Variants in AKAP19 observed in about 807,000 individuals in gnomAD.
The protein encoded by AKAP19 is A-kinase anchoring protein 19.
the AKAP19 span, among the ~76,000 whole-genome samples, chr2:190,160,807 A>G: frequency 0.38 from 57,254 of 152,008 alleles, 12,615 homozygotes; most frequent in East Asian, 0.72. Context: ...AAAGATTCCA[A>G]GACAGATAAA....
the AKAP19 span, among the ~76,000 whole-genome samples, chr2:189,936,189 G>T: frequency 6.6e-6 from 1 of 150,904 alleles, no homozygotes. Context: ...TATTTTTATG[G>T]GTTTGTTTTA....
At chr2:190,190,516 G>C in the AKAP19 span, among the ~76,000 whole-genome samples, 1 of 152,088 alleles carries the variant, frequency 6.6e-6, no homozygotes, top group Non-Finnish European at 1.5e-5. Flanking sequence ...TATGGATATT[G>C]GTATACAGAT....
chr2:189,882,208 C>A, the AKAP19 span, among the ~76,000 whole-genome samples: 1 of 152,166 alleles, frequency 6.6e-6, no homozygotes, highest in East Asian at 1.9e-4. Flanking sequence ...TATTCTAGAG[C>A]TTTCATTTAA....
chr2:190,057,634 G>T, the AKAP19 span: 1 of 1,612,948 alleles, frequency 6.2e-7, no homozygotes, highest in South Asian at 1.1e-5. Context: ...CTCTAAAAAC[G>T]GATTCTGTTT....
chr2:190,127,896 T>C, the AKAP19 span, among the ~76,000 whole-genome samples: 4 of 152,126 alleles, frequency 2.6e-5, no homozygotes, highest in Non-Finnish European at 5.9e-5. Flanking sequence ...TTACAGTCTC[T>C]ATATATAATA....
the AKAP19 span, among the ~76,000 whole-genome samples, chr2:190,132,799 C>T: frequency 1.3e-5 from 2 of 151,942 alleles, no homozygotes; most frequent in Admixed American, 6.6e-5. Flanking sequence ...TTACATCAAA[C>T]TAAAAAGCTC....
the AKAP19 span, among the ~76,000 whole-genome samples, chr2:190,192,486 G>C: frequency 1.6e-3 from 233 of 146,532 alleles, no homozygotes; most frequent in African/African-American, 5.8e-3. Flanking sequence ...GTGTGTGTGT[G>C]TGTGTATCTA....
At chr2:190,024,372 A>ATG in the AKAP19 span, among the ~76,000 whole-genome samples, 181 of 141,476 alleles carry the variant, frequency 1.3e-3, 1 homozygote, top group African/African-American at 4.1e-3. Flanking sequence ...ACACATATAT[A>ATG]TGTGTGTGTA....
chr2:189,881,106 GA>G, the AKAP19 span, among the ~76,000 whole-genome samples: 2 of 151,480 alleles, frequency 1.3e-5, no homozygotes, highest in African/African-American at 4.9e-5. Context: ...GATAAGTACT[GA>G]AAAAAAACAA....
chr2:190,069,885 A>G, the AKAP19 span, among the ~76,000 whole-genome samples: 3 of 152,268 alleles, frequency 2.0e-5, no homozygotes, highest in South Asian at 6.2e-4. Context: ...TATTCTATCC[A>G]CTCTATTCAT....
At chr2:190,090,707 A>C in the AKAP19 span, among the ~76,000 whole-genome samples, 1 of 152,166 alleles carries the variant, frequency 6.6e-6, no homozygotes, top group Non-Finnish European at 1.5e-5. Context: ...AGTTCAGACA[A>C]GGCTCTGATA....
chr2:190,114,759 A>G, the AKAP19 span, among the ~76,000 whole-genome samples: 1 of 152,164 alleles, frequency 6.6e-6, no homozygotes, highest in South Asian at 2.1e-4. Flanking sequence ...CCCAGCTGAA[A>G]AGAAAGTTTT....
At chr2:189,976,111 A>G in the AKAP19 span, among the ~76,000 whole-genome samples, 1 of 151,948 alleles carries the variant, frequency 6.6e-6, no homozygotes, top group Non-Finnish European at 1.5e-5. Flanking sequence ...TTGTGGTTTT[A>G]TCTACCTTTG....
chr2:189,992,096 C>A, the AKAP19 span, among the ~76,000 whole-genome samples: 1 of 146,490 alleles, frequency 6.8e-6, no homozygotes, highest in African/African-American at 2.5e-5. Flanking sequence ...GTTGCACAGG[C>A]TGGAGTGCAG....
At chr2:190,062,618 T>C in the AKAP19 span, 1 of 1,603,206 alleles carries the variant, frequency 6.2e-7, no homozygotes. Flanking sequence ...CAATATAATC[T>C]TTTTTCTTGT....
chr2:189,891,522 C>T, the AKAP19 span, among the ~76,000 whole-genome samples: 2 of 151,708 alleles, frequency 1.3e-5, no homozygotes, highest in Non-Finnish European at 2.9e-5. Context: ...CAAACCCGGC[C>T]GAAAATTCTT....
the AKAP19 span, among the ~76,000 whole-genome samples, chr2:189,922,246 C>G: frequency 2.0e-5 from 3 of 152,240 alleles, no homozygotes; most frequent in South Asian, 6.2e-4. Flanking sequence ...ATCATTGTAA[C>G]TTTTGTTAAA....
At chr2:190,060,083 T>A in the AKAP19 span, 1 of 1,612,520 alleles carries the variant, frequency 6.2e-7, no homozygotes, top group Non-Finnish European at 8.5e-7. Flanking sequence ...CTCCTGGTCC[T>A]GGGAAGGTTA....
the AKAP19 span, among the ~76,000 whole-genome samples, chr2:190,050,411 T>C: frequency 6.6e-6 from 1 of 152,314 alleles, no homozygotes; most frequent in Non-Finnish European, 1.5e-5. Context: ...TTTAGTTTAA[T>C]GTTAAAAATT....
Sources: gnomAD v4.1 joint callset for allele counts (sites outside exome capture counted in the v4.1 genomes callset) on GRCh38, gnomAD v4.1.1 for gene constraint, MANE v1.5 for transcripts, NCBI Gene and HGNC (gene_info 2026-07-23, HGNC 2026-07-21) for gene names.